ALDH3B2: variants seen among roughly 807,000 people sequenced by gnomAD.
The protein encoded by ALDH3B2 is aldehyde dehydrogenase family 3 member B2.
ALDH3B2 carries 45 observed loss-of-function variants against 36.7 expected under a neutral mutation model. That is an observed-to-expected ratio of 1.23 (90% CI 0.97 to 1.57). The LOEUF (loss-of-function observed/expected upper bound fraction) is 1.57. Among genes scored for constraint, ALDH3B2 ranks in the 40% most tolerant of loss-of-function variants. The pLI, the probability that ALDH3B2 is intolerant of heterozygous loss-of-function variation, is 0.00. For missense variants in ALDH3B2, 464 were observed against 513.3 expected, an observed-to-expected ratio of 0.90 and a Z score of 0.93; for synonymous variants, 217 against 226.5, an observed-to-expected ratio of 0.96 and a Z score of 0.38.
At chr11:67,662,916 G>A (rs1855782845) in exon 10 of ALDH3B2, 9 of 423,250 alleles carry the variant, frequency 2.1e-5, no homozygotes, top group Non-Finnish European at 3.8e-5. Context: ...CACTGCCCCT[G>A]TGACTGGGTC....
At chr11:67,677,538 C>T (rs971874761), upstream of ALDH3B2, among the ~76,000 whole-genome samples, 15 of 151,976 alleles carry the variant, frequency 9.9e-5, no homozygotes, top group African/African-American at 2.7e-4. Context: ...CGCAGAGAAC[C>T]GGAACAAGAC....
At chr11:67,669,590 GC>G (rs1856026783) in intron 1 of ALDH3B2, among the ~76,000 whole-genome samples, 1 of 150,658 alleles carries the variant, frequency 6.6e-6, no homozygotes. Context: ...GTGTATGGGT[GC>G]TGTGTCCATG....
chr11:67,672,077 A>ATG (rs1198950333), intron 1 of ALDH3B2, among the ~76,000 whole-genome samples: 9 of 66,414 alleles, frequency 1.4e-4, no homozygotes, highest in African/African-American at 5.8e-4. Flanking sequence ...ATATATATAT[A>ATG]TATATATATA....
chr11:67,663,318 G>A (rs1855800559), exon 10 of ALDH3B2: 1 of 1,614,190 alleles, frequency 6.2e-7, no homozygotes, highest in East Asian at 2.2e-5. Context: ...CTCCAGGCCG[G>A]AGGGGGCGAG....
At chr11:67,666,467 C>T in intron 4 of ALDH3B2, 66 bp from the exon 5 acceptor site, 6 of 1,604,118 alleles carry the variant, frequency 3.7e-6, no homozygotes, top group Non-Finnish European at 4.3e-6. Context: ...AGGGGCTGGG[C>T]TCAGAGGGCA....
exon 2 of ALDH3B2, chr11:67,667,527 G>A: frequency 2.6e-6 from 1 of 390,112 alleles, no homozygotes. Flanking sequence ...TTTCTTGAAG[G>A]AAGTGGCCCA....
upstream of ALDH3B2, among the ~76,000 whole-genome samples, chr11:67,675,918 A>G (rs765529541): frequency 5.9e-5 from 9 of 152,226 alleles, no homozygotes; most frequent in Admixed American, 1.3e-4. Context: ...ACGTAAATAA[A>G]TTAAAATATG....
At chr11:67,677,444 G>A (rs893101090), upstream of ALDH3B2, among the ~76,000 whole-genome samples, 12 of 151,954 alleles carry the variant, frequency 7.9e-5, no homozygotes, top group Admixed American at 3.9e-4. Context: ...AGTATACAAG[G>A]GACATATCTT....
chr11:67,663,158 C>G, exon 10 of ALDH3B2: 2 of 1,529,114 alleles, frequency 1.3e-6, no homozygotes, highest in Non-Finnish European at 1.8e-6. Flanking sequence ...GGAGCATAAG[C>G]CCCTCATGGC....
At position 67,665,677 on chromosome 11, in the gene ALDH3B2, C is replaced by G. The variant is rs192237048; in HGVS notation, c.320-6G>C. The G allele has an allele frequency of 6.3e-7, 1 of 1,597,218 alleles. No homozygotes were observed. Among genetic ancestry groups the G allele is most frequent in the Admixed American group, 1.7e-5 (1 of 58,890 alleles). ...CTTGCCCACACGAGGGCTCCCTGGG[C>G]GTGGAAGGAAACCAGAGTGGCCAGT... On this transcript the variant is annotated splice_region_variant and splice_polypyrimidine_tract_variant and intron_variant, in intron 6 of 9. Coordinates refer to ENST00000349015, the Ensembl canonical transcript of ALDH3B2.
chr11:67,664,490 G>A lies in ALDH3B2; in HGVS notation c.779C>T (p.Pro260Leu), dbSNP rs776679125. ...GTCCACGCTCTGCACGTTCACGATG[G>A]GCAGGATGGGCCCGAAGATCTCCTC... The change falls in exon 8 of 10, where the codon CCC (proline) becomes CTC (leucine). Residue 260 changes from proline (P) to leucine (L), a missense_variant. Coordinates refer to ENST00000349015, the Ensembl canonical transcript of ALDH3B2. The A allele has an allele frequency of 3.1e-6, 5 of 1,614,080 alleles. No individual in the cohort carries two copies. The South Asian group carries it at 4.4e-5, about 14-fold the overall frequency.
At chr11:67,674,245 C>G (rs2134158896) in intron 1 of ALDH3B2, among the ~76,000 whole-genome samples, 191 bp downstream of exon 1, 1 of 152,284 alleles carries the variant, frequency 6.6e-6, no homozygotes, top group South Asian at 2.1e-4. Context: ...CAGAAGACAC[C>G]AGCACCCACC....
upstream of ALDH3B2, among the ~76,000 whole-genome samples, chr11:67,674,953 C>T (rs1422007141): frequency 2.0e-5 from 3 of 152,194 alleles, no homozygotes; most frequent in Admixed American, 1.3e-4. Context: ...GAAGTCCTCC[C>T]AGGCCCCAGC....
upstream of ALDH3B2, among the ~76,000 whole-genome samples, chr11:67,678,438 T>A (rs904526816): frequency 6.6e-6 from 1 of 152,086 alleles, no homozygotes; most frequent in Non-Finnish European, 1.5e-5. Flanking sequence ...TGCAACTGGA[T>A]CCTCATCTCT....
intron 7 of ALDH3B2, among the ~76,000 whole-genome samples, chr11:67,664,831 C>T (rs1348397127): frequency 6.6e-6 from 1 of 152,214 alleles, no homozygotes; most frequent in East Asian, 1.9e-4. Flanking sequence ...GTGATGGGAT[C>T]TTAGAACCTT....
In ALDH3B2 at chr11:67,672,592, C is replaced by CTT. The variant is rs111601602; in HGVS notation, c.-245+1843_-245+1844dup. On this transcript the variant is annotated intron_variant, in intron 1 of 9. Coordinates refer to ENST00000349015, the Ensembl canonical transcript of ALDH3B2. ...ACGTCCTCAACCTTGGCAAAATTAA[C>CTT]TTTTTTTTTTTTTTAAGATGGAGTC... Among the ~76,000 whole-genome samples, 236 of 145,494 alleles carry CTT rather than the reference C, an allele frequency of 1.6e-3. 4 individuals are homozygous for CTT. The highest frequency in any genetic ancestry group is 5.7e-3 in the African/African-American group (225 of 39,740).
In ALDH3B2 at chr11:67,670,167, CGTGTGT is replaced by C. The variant is rs1856062561; in HGVS notation, c.-244-2538_-244-2533del. Reference sequence around the variant, plus strand: ...GTGTGTGTATGGGTGTCTGTGTCCACGTGTGTCTGTGTGTGTATGGGTGTCTGTGTG... The same window carrying C: ...GTGTGTGTATGGGTGTCTGTGTCCACCTGTGTGTGTATGGGTGTCTGTGTG... On this transcript the variant is annotated intron_variant, in intron 1 of 9. Coordinates refer to ENST00000349015, the Ensembl canonical transcript of ALDH3B2. Among the ~76,000 whole-genome samples, 4 of 57,832 alleles carry C rather than the reference CGTGTGT, an allele frequency of 6.9e-5. No individual in the cohort carries two copies. In the Admixed American group the frequency reaches 8.6e-4, roughly 12 times the overall value. 37.9% of individuals were successfully genotyped at this position (57,832 alleles called of 152,430 possible). A position where few individuals can be genotyped will look rare whatever the true frequency, so the allele number is the denominator to read the frequency against.
intron 1 of ALDH3B2, among the ~76,000 whole-genome samples, 160 bp downstream of exon 1, chr11:67,674,276 C>G (rs572207558): frequency 6.6e-6 from 1 of 152,184 alleles, no homozygotes; most frequent in Non-Finnish European, 1.5e-5. Context: ...GAGCAAGCCC[C>G]GTACCCATGG....
intron 3 of ALDH3B2, 82 bp downstream of exon 3, chr11:67,666,824 G>C: frequency 6.2e-7 from 1 of 1,610,662 alleles, no homozygotes; most frequent in South Asian, 1.1e-5. Context: ...ACTCGCCCGG[G>C]GCCTCAGGGG....
Sources: gnomAD v4.1 joint callset for allele counts (sites outside exome capture counted in the v4.1 genomes callset) on GRCh38, gnomAD v4.1.1 for gene constraint, MANE v1.5 for transcripts, NCBI Gene and HGNC (gene_info 2026-07-23, HGNC 2026-07-21) for gene names.